TMEM210: variants seen among roughly 807,000 people sequenced by gnomAD.
TMEM210 encodes transmembrane protein 210.
A neutral mutation model predicts 10.3 loss-of-function variants in TMEM210; 7 were observed. The observed-to-expected ratio is 0.68, with a 90% CI of 0.39 to 1.28. The LOEUF is 1.28. Ranked by LOEUF, TMEM210 falls within the 50% of genes most tolerant of loss-of-function variation. The probability of loss-of-function intolerance (pLI) is 0.01; values close to 1 mark genes in which losing one functional copy is unlikely to be tolerated. For synonymous variants in TMEM210, 79 were observed against 81.2 expected (o/e 0.97, Z 0.14); for missense variants, 185 against 197.8 (o/e 0.94, Z 0.39).
chr9:137,171,238 T>C, intron 3 of TMEM210, 74 bp from the exon 4 acceptor site: 1 of 1,493,006 alleles, frequency 6.7e-7, no homozygotes, highest in Non-Finnish European at 9.0e-7. Context: ...TCTGGGACAG[T>C]GCACCCCCAC....
rs979596469 is a variant in TMEM210, at chr9:137,171,732, G to C, written c.133C>G (p.Leu45Val). ...GCCAGCACCACAAGGAGGGCGATGA[G>C]GGCCTCGCGGCTGAGGCCAAGGCTG... is the stretch of plus-strand genomic sequence containing the variant. ...ECSLGLSREA[L>V]IALLVVLAGI... Residue 45 changes from leucine to valine, a missense_variant, in exon 2 of 4, where the codon CTC becomes GTC. Leu to Val is a conservative substitution (Grantham distance 32). Coordinates refer to ENST00000413619, the MANE Select transcript of TMEM210 (RefSeq NM_001282477.2). 3.3e-6 allele frequency: 5 copies of C among 1,535,300 alleles called. No homozygotes were observed. The highest frequency in any genetic ancestry group is 4.4e-6 in the Non-Finnish European group (5 of 1,146,548).
In TMEM210 at chr9:137,171,059, TG is replaced by T. The variant is rs1231084346; in HGVS notation, c.359del (p.Pro120HisfsTer2). ...DADLEVSLVP[P>X]LEDQSLVAIP... ...TGGCCACAAGGCTCTGATCCTCTAG[TG>T]GTGGCACCAGGGAGACCTCCAGGTC... On this transcript the variant is annotated frameshift_variant, in exon 4 of 4. Transcript: ENST00000413619. LOFTEE classifies it low-confidence loss of function (END_TRUNC). 6.5e-7 allele frequency: 1 copy of T among 1,535,350 alleles called. No individual in the cohort carries two copies. The highest frequency in any genetic ancestry group is 1.4e-5 in the African/African-American group (1 of 73,066).
In TMEM210 at chr9:137,171,524, A is replaced by G. The variant is rs1015475529; in HGVS notation, c.225-81T>C. On this transcript the variant is annotated intron_variant, in intron 2 of 3. Transcript: ENST00000413619. The stretch of plus-strand genomic sequence containing the variant: ...CCCCAGCACACGCCTAGGAAACGCC[A>G]TTCCTACCCCAGGTGACAGCCCACC... 5 of 1,534,188 alleles carry G rather than the reference A, an allele frequency of 3.3e-6. No homozygotes were observed. The African/African-American group carries it at 4.1e-5, about 13-fold the overall frequency.
At position 137,171,442 on chromosome 9, in the gene TMEM210, C is replaced by G. The variant is rs757805731; in HGVS notation, c.226G>C (p.Glu76Gln). 16 of 1,535,502 alleles carry G rather than the reference C, an allele frequency of 1.0e-5. No homozygotes were observed. The Admixed American group carries it at 3.1e-4, about 30-fold the overall frequency. The change falls in exon 3 of 4, where the codon GAA (glutamate) becomes CAA (glutamine). Residue 76 changes from glutamate to glutamine, a missense_variant and splice_region_variant. Glu to Gln is a conservative substitution (Grantham distance 29, BLOSUM62 2). Coordinates refer to ENST00000413619, the MANE Select transcript of TMEM210 (RefSeq NM_001282477.2). ...TTGTCCACTTGTCTCGGGCATGTTT[C>G]ACTGAGGGGACGAAGGCCAACATGA... ...VAIGVLRAKG[E>Q]TCPRQVDNRL... is the part of the protein sequence containing the mutation.
rs1021636415 is a variant in TMEM210 at position 137,171,724 on chromosome 9, G to A, written c.141C>T (p.Ala47=). ...SLGLSREALI[A]LLVVLAGISA... is the part of the protein sequence containing the mutation. ...TGATGCCCGCCAGCACCACAAGGAGGGCGATGAGGGCCTCGCGGCTGAGGC... is the reference window on the plus strand; with the variant it reads ...TGATGCCCGCCAGCACCACAAGGAGAGCGATGAGGGCCTCGCGGCTGAGGC... Residue 47 remains alanine, a synonymous_variant, in exon 2 of 4, where the codon GCC becomes GCT. Transcript: ENST00000413619. The A allele has an allele frequency of 3.8e-5, 59 of 1,535,344 alleles. No homozygotes were observed. In the Admixed American group the frequency reaches 4.1e-4, roughly 11 times the overall value.
In TMEM210 at chr9:137,171,986, G is replaced by A. The variant is rs1834117233; in HGVS notation, c.42C>T (p.Gly14=). ...GGGACAAATATGTGAGGCCCAAGGG[G>A]CCACCACGCAGGCAGGACACAGGCC... is the stretch of plus-strand genomic sequence containing the variant. ...GPWPVSCLRG[G]PLGLTYLSLL... The change falls in exon 1 of 4, where the codon GGC becomes GGT. Residue 14 remains glycine, a synonymous_variant. Coordinates refer to ENST00000413619, the MANE Select transcript of TMEM210 (RefSeq NM_001282477.2). 6 of 1,418,128 alleles carry A rather than the reference G, an allele frequency of 4.2e-6. No homozygotes were observed. Among genetic ancestry groups the A allele is most frequent in the Admixed American group, 3.1e-5 (1 of 32,176 alleles). 87.8% of individuals were successfully genotyped at this position (1,418,128 alleles called of 1,614,324 possible).
Position 137,170,912 on chromosome 9 carries a change from G to T in TMEM210, c.*63C>A. On this transcript the variant is annotated 3_prime_UTR_variant, in exon 4 of 4. Transcript: ENST00000413619. ...CCAGCTGCCCTCAGGAGGGCCTGCAGGGAGGACAGTGCACAGCCACTAAAT... is the reference window on the plus strand; with the variant it reads ...CCAGCTGCCCTCAGGAGGGCCTGCATGGAGGACAGTGCACAGCCACTAAAT... 1 of 1,470,880 alleles carries T rather than the reference G, an allele frequency of 6.8e-7. No homozygotes were observed. The highest frequency in any genetic ancestry group is 1.3e-5 in the South Asian group (1 of 76,526). The allele number at this position is 1,470,880 out of a possible 1,614,324, so 91.1% of individuals were successfully genotyped here. A position where few individuals can be genotyped will look rare whatever the true frequency, so the allele number is the denominator to read the frequency against.
At chr9:137,171,542 A>G (rs1834107509) in intron 2 of TMEM210, 99 bp from the exon 3 acceptor site, 1 of 1,533,564 alleles carries the variant, frequency 6.5e-7, no homozygotes, top group Non-Finnish European at 8.7e-7. Context: ...CCCAGGTGAC[A>G]GCCCACCCAG....
Position 137,171,708 on chromosome 9 carries a change from C to T in TMEM210, c.157G>A (p.Ala53Thr). Residue 53 changes from alanine (A) to threonine (T), a missense_variant, in exon 2 of 4, where the codon GCG becomes ACG. By Grantham distance (58) the Ala-to-Thr change is moderately conservative. Coordinates refer to ENST00000413619, the MANE Select transcript of TMEM210 (RefSeq NM_001282477.2). ...EALIALLVVL[A>T]GISASCFCAL... Reference sequence around the variant, plus strand: ...CAGAAGCAGCTGGCACTGATGCCCGCCAGCACCACAAGGAGGGCGATGAGG... The same window carrying T: ...CAGAAGCAGCTGGCACTGATGCCCGTCAGCACCACAAGGAGGGCGATGAGG... The T allele has an allele frequency of 2.0e-6, 3 of 1,535,586 alleles. No homozygotes were observed. Among genetic ancestry groups the T allele is most frequent in the South Asian group, 1.2e-5 (1 of 84,034 alleles).
At chr9:137,171,483 T>C (rs1834106347) in intron 2 of TMEM210, 40 bp from the exon 3 acceptor site, 2 of 1,535,304 alleles carry the variant, frequency 1.3e-6, no homozygotes, top group Non-Finnish European at 1.7e-6. Flanking sequence ...GGAACAGTGC[T>C]GGGCCCCCGG....
Position 137,171,463 on chromosome 9 carries a change from CAT to C in TMEM210, c.225-22_225-21del, listed in dbSNP as rs900660590. Reference sequence around the variant, plus strand: ...GTTTCACTGAGGGGACGAAGGCCAACATGAGTCCTGGAACAGTGCTGGGCCCC... The same window carrying C: ...GTTTCACTGAGGGGACGAAGGCCAACGAGTCCTGGAACAGTGCTGGGCCCC... On this transcript the variant is annotated intron_variant, in intron 2 of 3. Transcript: ENST00000413619. 9 of 1,535,446 alleles carry C rather than the reference CAT, an allele frequency of 5.9e-6. No individual in the cohort carries two copies. In the African/African-American group the frequency reaches 1.2e-4, roughly 21 times the overall value.
chr9:137,171,637 G>A lies in TMEM210; in HGVS notation c.224+4C>T, dbSNP rs756088140. 154 of 1,532,862 alleles carry A rather than the reference G, an allele frequency of 1.0e-4. No homozygotes were observed. The highest frequency in any genetic ancestry group is 1.4e-4 in the South Asian group (12 of 83,732). 95.0% of individuals were successfully genotyped at this position (1,532,862 alleles called of 1,614,324 possible). ...ATCCTCTCCCGGCCCCAGGGTTCACGCACCCCTTGGCCCGCAAGACACCAA... is the reference window on the plus strand; with the variant it reads ...ATCCTCTCCCGGCCCCAGGGTTCACACACCCCTTGGCCCGCAAGACACCAA... On this transcript the variant is annotated splice_donor_region_variant and intron_variant, in intron 2 of 3. Coordinates refer to ENST00000413619, the MANE Select transcript of TMEM210 (RefSeq NM_001282477.2).
chr9:137,170,955 C>A lies in TMEM210; in HGVS notation c.*20G>T, dbSNP rs1444728013. On this transcript the variant is annotated 3_prime_UTR_variant, in exon 4 of 4. Transcript: ENST00000413619. ...CACTAAATACGCTTTAATTCCCCTC[C>A]CCCAGCTGCCCTCAGCCCTCTACTC... 1.3e-6 allele frequency: 2 copies of A among 1,526,706 alleles called. No individual in the cohort carries two copies. The highest frequency in any genetic ancestry group is 1.2e-5 in the South Asian group (1 of 83,650). The allele number at this position is 1,526,706 out of a possible 1,614,324, so 94.6% of individuals were successfully genotyped here.
In TMEM210 at chr9:137,171,691, G is replaced by A; in HGVS notation, c.174C>T (p.Ser58=). Residue 58 remains serine (S), a synonymous_variant, in exon 2 of 4, where the codon AGC becomes AGT. Transcript: ENST00000413619. ...CCACGATGACGAGGGCACAGAAGCA[G>A]CTGGCACTGATGCCCGCCAGCACCA... is the stretch of plus-strand genomic sequence containing the variant. ...LLVVLAGISA[S]CFCALVIVAI... 1 of 1,535,562 alleles carries A rather than the reference G, an allele frequency of 6.5e-7. No homozygotes were observed. Among genetic ancestry groups the A allele is most frequent in the Non-Finnish European group, 8.7e-7 (1 of 1,146,612 alleles).
In TMEM210 at chr9:137,170,864, A is replaced by G; in HGVS notation, c.*111T>C. The G allele has an allele frequency of 1.6e-6, 2 of 1,260,536 alleles. No homozygotes were observed. Among genetic ancestry groups the G allele is most frequent in the East Asian group, 2.5e-5 (1 of 39,310 alleles). The allele number at this position is 1,260,536 out of a possible 1,614,324, so 78.1% of individuals were successfully genotyped here. ...GCAGGGAGGACGGTGCACAACCACT[A>G]AACAAGCTTTAATTCCCCTCCCCCA... On this transcript the variant is annotated 3_prime_UTR_variant, in exon 4 of 4. Coordinates refer to ENST00000413619, the MANE Select transcript of TMEM210 (RefSeq NM_001282477.2).
At position 137,171,313 on chromosome 9, in the gene TMEM210, C is replaced by A. The variant is rs1224537714; in HGVS notation, c.254+101G>T. Reference sequence around the variant, plus strand: ...GACAGCACCCCTCCTCCTCCAGGGACAGCACCCCTCCTCCTCCAGGGACTC... The same window carrying A: ...GACAGCACCCCTCCTCCTCCAGGGAAAGCACCCCTCCTCCTCCAGGGACTC... On this transcript the variant is annotated intron_variant, in intron 3 of 3. Coordinates refer to ENST00000413619, the MANE Select transcript of TMEM210 (RefSeq NM_001282477.2). The A allele has an allele frequency of 2.6e-6, 4 of 1,512,070 alleles. No homozygotes were observed. The African/African-American group carries it at 5.5e-5, about 21-fold the overall frequency. The allele number at this position is 1,512,070 out of a possible 1,614,324, so 93.7% of individuals were successfully genotyped here.
rs115152450 is a variant in TMEM210, at chr9:137,171,577, C to T, written c.224+64G>A. On this transcript the variant is annotated intron_variant, in intron 2 of 3. Coordinates refer to ENST00000413619, the MANE Select transcript of TMEM210 (RefSeq NM_001282477.2). ...GGGGGTAAAGCCCTTCTTGCAAGAC[C>T]AAGGGCCCAGGGCAGCCAGCCTGGC... 1,693 of 1,528,472 alleles carry T rather than the reference C, an allele frequency of 1.1e-3. 23 individuals carry two copies. In the African/African-American group the frequency reaches 0.02, roughly 18 times the overall value. 94.7% of individuals were successfully genotyped at this position (1,528,472 alleles called of 1,614,324 possible). A position where few individuals can be genotyped will look rare whatever the true frequency, so the allele number is the denominator to read the frequency against.
chr9:137,171,569 T>C, intron 2 of TMEM210, 72 bp downstream of exon 2: 1 of 1,529,988 alleles, frequency 6.5e-7, no homozygotes. Flanking sequence ...AAGCCCTTCT[T>C]GCAAGACCAA....
At position 137,171,726 on chromosome 9, in the gene TMEM210, C is replaced by T. The variant is rs1180578604; in HGVS notation, c.139G>A (p.Ala47Thr). ...SLGLSREALI[A>T]LLVVLAGISA... ...ATGCCCGCCAGCACCACAAGGAGGG[C>T]GATGAGGGCCTCGCGGCTGAGGCCA... Residue 47 changes from alanine to threonine, a missense_variant, in exon 2 of 4, where the codon GCC becomes ACC. Transcript: ENST00000413619. 16 of 1,535,332 alleles carry T rather than the reference C, an allele frequency of 1.0e-5. No homozygotes were observed. Among genetic ancestry groups the T allele is most frequent in the East Asian group, 7.3e-5 (3 of 40,928 alleles).
Sources: allele counts gnomAD v4.1 joint callset, GRCh38; gene constraint gnomAD v4.1.1; transcripts MANE v1.5; gene names NCBI Gene and HGNC (gene_info 2026-07-23, HGNC 2026-07-21).